Variants in TMLHE observed in about 807,000 individuals in gnomAD.
TMLHE encodes trimethyllysine dioxygenase, mitochondrial.
In TMLHE, 18 loss-of-function variants were observed where a neutral mutation model predicts 25.7. That is an observed-to-expected ratio of 0.70 (90% CI 0.48 to 1.04). The LOEUF is 1.04. TMLHE is among the 50% of genes least tolerant of loss of function. TMLHE has a pLI of 0.00. For synonymous variants in TMLHE, 105 were observed against 97.0 expected, an observed-to-expected ratio of 1.08 and a Z score of -0.49; for missense variants, 236 against 259.0, an observed-to-expected ratio of 0.91 and a Z score of 0.61.
At chrX:155,528,003 T>A (rs1557336718) in intron 2 of TMLHE, among the ~76,000 whole-genome samples, 2 of 111,201 alleles carry the variant, frequency 1.8e-5, no homozygotes, top group African/African-American at 6.5e-5. Flanking sequence ...ATAAGGAAAG[T>A]CACCAGAAGT....
chrX:155,532,870 G>A (rs2067257344), intron 2 of TMLHE, among the ~76,000 whole-genome samples: 2 of 110,920 alleles, frequency 1.8e-5, no homozygotes, highest in South Asian at 3.8e-4. Flanking sequence ...TATAGTATGT[G>A]ACCTATTTTG....
intron 2 of TMLHE, among the ~76,000 whole-genome samples, chrX:155,526,944 A>AAC (rs2067223312): frequency 8.9e-6 from 1 of 112,528 alleles, no homozygotes. Flanking sequence ...GGAAGTAACA[A>AAC]ACTTGTTTTT....
At chrX:155,575,408 G>C (rs1557343678) in intron 1 of TMLHE, among the ~76,000 whole-genome samples, 1 of 111,572 alleles carries the variant, frequency 9.0e-6, no homozygotes, top group Non-Finnish European at 1.9e-5. Context: ...CCAAGAAAAA[G>C]CAGAGAGACA....
At chrX:155,600,811 A>T (rs1557347147) in intron 1 of TMLHE, among the ~76,000 whole-genome samples, 6 of 112,077 alleles carry the variant, frequency 5.4e-5, no homozygotes. Context: ...AGATTTCTAA[A>T]CTGCGTGAAT....
Position 155,549,260 on chromosome X carries a change from G to A in TMLHE, c.-1-3983C>T, listed in dbSNP as rs1223777458. Among the ~76,000 whole-genome samples the A allele has an allele frequency of 2.7e-5, 3 of 110,695 alleles. 1 individual carries two copies. The highest frequency in any genetic ancestry group is 5.7e-5 in the Non-Finnish European group (3 of 52,985). ...TTTGCTGCATTGTGCTCACTAGTTA[G>A]GAGGAGTAAGCATGGACAACCTTGC... On this transcript the variant is annotated intron_variant, in intron 1 of 7. Transcript: ENST00000334398.
At chrX:155,514,292 T>C in intron 3 of TMLHE, 27 bp from the exon 4 acceptor site, 1 of 1,157,137 alleles carries the variant, frequency 8.6e-7, no homozygotes, top group Non-Finnish European at 1.2e-6. Flanking sequence ...TAAAAGGCAC[T>C]ATAATAATTA....
chrX:155,522,624 G>A (rs2067195331), intron 3 of TMLHE, among the ~76,000 whole-genome samples: 1 of 111,918 alleles, frequency 8.9e-6, no homozygotes, highest in African/African-American at 3.2e-5. Context: ...GTTATTTCAT[G>A]ACTGTTACAA....
intron 1 of TMLHE, among the ~76,000 whole-genome samples, chrX:155,600,560 C>T (rs782073866): frequency 6.6e-4 from 74 of 111,936 alleles, no homozygotes; most frequent in African/African-American, 2.2e-3. Flanking sequence ...CAACTGGGAA[C>T]GACCAACATC....
chrX:155,567,680 G>C lies in TMLHE; in HGVS notation c.-1-22403C>G, dbSNP rs1222624480. 1.9e-3 allele frequency among the ~76,000 whole-genome samples: 117 copies of C among 62,049 alleles called. 37 individuals carry two copies. Among genetic ancestry groups the C allele is most frequent in the Non-Finnish European group, 9.5e-4 (21 of 22,192 alleles). 53.9% of individuals were successfully genotyped at this position (62,049 alleles called of 115,157 possible). ...TATTGAATCTTGAGTACAAATGGTA[G>C]AAATCTATGGCATTTTAACCTGGGG... is the stretch of plus-strand genomic sequence containing the variant. On this transcript the variant is annotated intron_variant, in intron 1 of 7. Coordinates refer to ENST00000334398, the MANE Select transcript of TMLHE (RefSeq NM_018196.4).
chrX:155,592,551 TG>T (rs2067699420), intron 1 of TMLHE, among the ~76,000 whole-genome samples: 1 of 112,016 alleles, frequency 8.9e-6, no homozygotes, highest in Non-Finnish European at 1.9e-5. Flanking sequence ...ACAGTTCTCC[TG>T]GGCTTACAGT....
intron 5 of TMLHE, among the ~76,000 whole-genome samples, chrX:155,508,115 A>T (rs1557332932): frequency 9.0e-6 from 1 of 111,000 alleles, no homozygotes; most frequent in East Asian, 2.8e-4. Flanking sequence ...GAGGTTGAGG[A>T]AGGAGTTCAG....
chrX:155,513,058 C>T (rs1477800723), intron 4 of TMLHE, among the ~76,000 whole-genome samples: 1 of 111,242 alleles, frequency 9.0e-6, no homozygotes, highest in Admixed American at 9.6e-5. Context: ...CAGTTTCTTT[C>T]ACTTGAAAGT....
At chrX:155,545,058 C>T (rs1186102119) in intron 2 of TMLHE, 38 bp downstream of exon 2, 2 of 1,182,385 alleles carry the variant, frequency 1.7e-6, no homozygotes, top group Non-Finnish European at 2.3e-6. Flanking sequence ...TTTCTTACCA[C>T]AAGTTTTAAA....
intron 1 of TMLHE, among the ~76,000 whole-genome samples, chrX:155,596,443 T>C (rs1557346513): frequency 9.0e-6 from 1 of 111,499 alleles, no homozygotes; most frequent in Non-Finnish European, 1.9e-5. Context: ...ATTCAGTCCC[T>C]AGATCAGAGG....
chrX:155,532,952 T>A (rs1390741802), intron 2 of TMLHE, among the ~76,000 whole-genome samples: 1 of 111,015 alleles, frequency 9.0e-6, no homozygotes, highest in African/African-American at 3.3e-5. Flanking sequence ...ACAAAGAAAA[T>A]CACTGTAATG....
chrX:155,546,936 A>G (rs1557338765), intron 1 of TMLHE, among the ~76,000 whole-genome samples: 1 of 111,141 alleles, frequency 9.0e-6, no homozygotes, highest in East Asian at 2.8e-4. Context: ...ACTCCAGACC[A>G]AGACCAGACT....
chrX:155,549,695 G>C (rs951323492), intron 1 of TMLHE, among the ~76,000 whole-genome samples: 4 of 109,967 alleles, frequency 3.6e-5, no homozygotes, highest in Admixed American at 9.7e-5. Context: ...ATGTGTGTGT[G>C]TCATCTTTAT....
intron 1 of TMLHE, among the ~76,000 whole-genome samples, chrX:155,554,410 A>C (rs1445605776): frequency 9.0e-6 from 1 of 110,919 alleles, no homozygotes; most frequent in African/African-American, 3.3e-5. Context: ...TTACCAGATA[A>C]AATTTTAGGT....
intron 1 of TMLHE, among the ~76,000 whole-genome samples, chrX:155,579,992 G>T (rs1165720459): frequency 1.8e-5 from 2 of 109,889 alleles, no homozygotes; most frequent in African/African-American, 3.3e-5. Context: ...TCATTAAAAA[G>T]CTCTTATACA....
Sources: gnomAD v4.1 joint callset for allele counts (sites outside exome capture counted in the v4.1 genomes callset) on GRCh38, gnomAD v4.1.1 for gene constraint, MANE v1.5 for transcripts, NCBI Gene and HGNC (gene_info 2026-07-23, HGNC 2026-07-21) for gene names.